The following MS4A15 variants were observed in gnomAD, a reference collection of about 807,000 sequenced individuals.
MS4A15 encodes the protein membrane spanning 4-domains A15.
Under a neutral mutation model 20.6 loss-of-function variants are expected in MS4A15, and 22 were observed. That is an observed-to-expected ratio of 1.07 (90% CI 0.76 to 1.52). The LOEUF is 1.52. Among genes scored for constraint, MS4A15 ranks in the 40% most tolerant of loss-of-function variants. The pLI is 0.00. For missense variants in MS4A15, 312 were observed against 323.0 expected (o/e 0.97, Z 0.26); for synonymous variants, 129 against 129.3 (o/e 1.00, Z 0.02).
intron 1 of MS4A15, among the ~76,000 whole-genome samples, chr11:60,759,440 G>A (rs11230464): frequency 0.22 from 32,795 of 152,252 alleles, 3,682 homozygotes; most frequent in South Asian, 0.27. Context: ...AAGCCTGGGT[G>A]TTGTCCAAGG....
chr11:60,775,250 G>A (rs969842088), intron 6 of MS4A15, among the ~76,000 whole-genome samples: 4 of 151,768 alleles, frequency 2.6e-5, no homozygotes, highest in African/African-American at 9.7e-5. Flanking sequence ...CCAAGAGGCG[G>A]AGGTTGCAGT....
intron 1 of MS4A15, among the ~76,000 whole-genome samples, chr11:60,761,911 T>C (rs1415622999): frequency 6.6e-6 from 1 of 152,234 alleles, no homozygotes; most frequent in East Asian, 1.9e-4. Context: ...CATGCCTGTC[T>C]CATCGAAATG....
chr11:60,770,998 C>T (rs1182152936), intron 3 of MS4A15, among the ~76,000 whole-genome samples: 2 of 152,194 alleles, frequency 1.3e-5, no homozygotes, highest in African/African-American at 2.4e-5. Flanking sequence ...TGAGCTCACT[C>T]AGTTCAGCCT....
chr11:60,766,941 G>C (rs1853899310), intron 2 of MS4A15, among the ~76,000 whole-genome samples: 1 of 152,180 alleles, frequency 6.6e-6, no homozygotes, highest in Admixed American at 6.5e-5. Flanking sequence ...TACCCAAAAC[G>C]TTGCAATGTT....
At chr11:60,771,762 G>A in intron 4 of MS4A15, 1 of 1,215,692 alleles carries the variant, frequency 8.2e-7, no homozygotes, top group Non-Finnish European at 1.0e-6. Flanking sequence ...GGCAAAGGTA[G>A]GAGAAGGAAA....
intron 5 of MS4A15, 92 bp from the exon 6 acceptor site, chr11:60,773,745 T>A (rs1854105125): frequency 1.7e-5 from 18 of 1,077,732 alleles, no homozygotes; most frequent in Non-Finnish European, 2.6e-5. Flanking sequence ...TGCTCCCAAC[T>A]AGCCGCATGA....
chr11:60,770,072 C>T (rs1414607809), intron 3 of MS4A15, among the ~76,000 whole-genome samples: 3 of 152,188 alleles, frequency 2.0e-5, no homozygotes, highest in Admixed American at 2.0e-4. Context: ...AGGGCCAGCC[C>T]CACCTCAGTG....
chr11:60,767,069 A>G (rs1853902066), intron 2 of MS4A15, among the ~76,000 whole-genome samples: 1 of 152,224 alleles, frequency 6.6e-6, no homozygotes, highest in African/African-American at 2.4e-5. Context: ...ATCCCACTGG[A>G]GATTTCAGCA....
At chr11:60,760,062 C>T (rs1186599032) in intron 1 of MS4A15, among the ~76,000 whole-genome samples, 1 of 152,320 alleles carries the variant, frequency 6.6e-6, no homozygotes, top group Non-Finnish European at 1.5e-5. Context: ...CTTGTCTCCA[C>T]CTGACGAGAA....
At chr11:60,768,085 T>C (rs1853928472) in intron 3 of MS4A15, among the ~76,000 whole-genome samples, 1 of 152,016 alleles carries the variant, frequency 6.6e-6, no homozygotes, top group Non-Finnish European at 1.5e-5. Flanking sequence ...CCCAGCTACT[T>C]GGGAGGCTGA....
intron 1 of MS4A15, among the ~76,000 whole-genome samples, chr11:60,762,603 ATTC>A (rs1164419856): frequency 3.3e-4 from 51 of 152,366 alleles, no homozygotes; most frequent in African/African-American, 1.2e-3. Flanking sequence ...CAATATACTT[ATTC>A]TTTTTTGTAT....
chr11:60,773,860 C>T lies in MS4A15; in HGVS notation c.522C>T (p.Ala174=), dbSNP rs143184758. The part of the protein sequence containing the change: ...TNRDVDRGYL[A]VLTIFTVLEF... ...AGGATGTGGACAGGGGCTATCTGGC[C>T]GTGCTTACTATCTTCACTGTCCTGG... The change falls in exon 6 of 7, where the codon GCC becomes GCT. Residue 174 remains alanine, a synonymous_variant. Coordinates refer to ENST00000405633, the MANE Select transcript of MS4A15 (RefSeq NM_001098835.2). The T allele has an allele frequency of 1.3e-4, 213 of 1,614,108 alleles. No individual in the cohort carries two copies. In the East Asian group the frequency reaches 4.0e-3, roughly 31 times the overall value.
Position 60,774,373 on chromosome 11 carries a change from A to G in MS4A15, c.612+423A>G, listed in dbSNP as rs529254599. On this transcript the variant is annotated intron_variant, in intron 6 of 6. Transcript: ENST00000405633. Reference sequence around the variant, plus strand: ...GTTGAGGCTGCAGTGAGCTATGATCACACCACTGCCCTTCAGCCTGGGTGA... The same window carrying G: ...GTTGAGGCTGCAGTGAGCTATGATCGCACCACTGCCCTTCAGCCTGGGTGA... Among the ~76,000 whole-genome samples the G allele has an allele frequency of 1.2e-4, 18 of 152,306 alleles. No homozygotes were observed. The South Asian group carries it at 3.3e-3, about 28-fold the overall frequency.
chr11:60,761,047 G>C (rs1010207912), intron 1 of MS4A15, among the ~76,000 whole-genome samples: 5 of 152,300 alleles, frequency 3.3e-5, no homozygotes, highest in Non-Finnish European at 5.9e-5. Flanking sequence ...ATCACCTCAA[G>C]AACATGTTTA....
intron 6 of MS4A15, among the ~76,000 whole-genome samples, chr11:60,775,322 A>AAAAAAG (rs1554970122): frequency 3.9e-4 from 57 of 147,628 alleles, no homozygotes; most frequent in Admixed American, 8.7e-4. Flanking sequence ...TGTCTCAAAA[A>AAAAAAG]AAAAAAGAAA....
intron 3 of MS4A15, among the ~76,000 whole-genome samples, chr11:60,768,709 C>T (rs1853946358): frequency 6.6e-6 from 1 of 152,316 alleles, no homozygotes; most frequent in Non-Finnish European, 1.5e-5. Flanking sequence ...CAGAGGAAAT[C>T]GAGAGATAAT....
rs935169048 is a variant in MS4A15, at chr11:60,773,685, A to T, written c.499-152A>T. On this transcript the variant is annotated intron_variant, in intron 5 of 6. Coordinates refer to ENST00000405633, the MANE Select transcript of MS4A15 (RefSeq NM_001098835.2). ...AGCAAGGAGGCAGCCTGCAGGGTGA[A>T]GGGGAGGGTGCAGGACTGGCGGCAG... is the stretch of plus-strand genomic sequence containing the variant. 6.4e-6 allele frequency: 5 copies of T among 783,430 alleles called. No individual in the cohort carries two copies. In the African/African-American group the frequency reaches 8.4e-5, roughly 13 times the overall value. The allele number at this position is 783,430 out of a possible 1,614,324, so 48.5% of individuals were successfully genotyped here.
Position 60,776,053 on chromosome 11 carries a change from C to T in MS4A15, c.*338C>T, listed in dbSNP as rs183685462. 42 of 186,486 alleles carry T rather than the reference C, an allele frequency of 2.3e-4. No homozygotes were observed. The highest frequency in any genetic ancestry group is 8.8e-4 in the African/African-American group (38 of 43,254). The allele number at this position is 186,486 out of a possible 1,614,324, so 11.6% of individuals were successfully genotyped here. On this transcript the variant is annotated 3_prime_UTR_variant, in exon 7 of 7. Transcript: ENST00000405633. ...CCTCATTGGAGACTCAGGTTCGAGGCCTGCCCTGACCCTCGGGCCTCGGGA... is the reference window on the plus strand; with the variant it reads ...CCTCATTGGAGACTCAGGTTCGAGGTCTGCCCTGACCCTCGGGCCTCGGGA...
chr11:60,775,848 G>A lies in MS4A15; in HGVS notation c.*133G>A, dbSNP rs571154453. The A allele has an allele frequency of 2.7e-4, 174 of 641,516 alleles. 1 individual carries two copies. Among genetic ancestry groups the A allele is most frequent in the South Asian group, 1.2e-3 (61 of 49,130 alleles). 39.7% of individuals were successfully genotyped at this position (641,516 alleles called of 1,614,324 possible). Reference sequence around the variant, plus strand: ...CCCTCACCACATCTACACATACTCCGGCATCTGAGTGAAGTGTCCCCAGGG... The same window carrying A: ...CCCTCACCACATCTACACATACTCCAGCATCTGAGTGAAGTGTCCCCAGGG... On this transcript the variant is annotated 3_prime_UTR_variant, in exon 7 of 7. Coordinates refer to ENST00000405633, the MANE Select transcript of MS4A15 (RefSeq NM_001098835.2).
Sources: allele counts gnomAD v4.1 joint callset (sites outside exome capture counted in the v4.1 genomes callset), GRCh38; gene constraint gnomAD v4.1.1; transcripts MANE v1.5; gene names NCBI Gene and HGNC (gene_info 2026-07-23, HGNC 2026-07-21).